The following SH3KBP1 variants were observed in gnomAD, a reference collection of about 807,000 sequenced individuals.
SH3KBP1 encodes SH3 domain-containing kinase-binding protein 1.
SH3KBP1 carries 8 observed loss-of-function variants against 50.1 expected under a neutral mutation model. That is an observed-to-expected ratio of 0.16 (90% CI 0.09 to 0.29). The LOEUF (loss-of-function observed/expected upper bound fraction) is 0.29. SH3KBP1 is among the 10% of genes least tolerant of loss of function. SH3KBP1 has a pLI of 1.00. For missense variants in SH3KBP1, 377 were observed against 535.2 expected, an observed-to-expected ratio of 0.70 and a Z score of 2.92; for synonymous variants, 227 against 218.6, an observed-to-expected ratio of 1.04 and a Z score of -0.34.
chrX:19,685,011 G>A (rs1232173973), intron 5 of SH3KBP1, among the ~76,000 whole-genome samples: 2 of 112,121 alleles, frequency 1.8e-5, no homozygotes, highest in African/African-American at 6.5e-5. Flanking sequence ...CCATCAAAGG[G>A]CAGGATTCAA....
At chrX:19,826,236 T>C (rs1279993987) in intron 2 of SH3KBP1, among the ~76,000 whole-genome samples, 1 of 112,096 alleles carries the variant, frequency 8.9e-6, no homozygotes, top group East Asian at 2.8e-4. Context: ...GCTAAAACTA[T>C]CATCCTCTAG....
At chrX:19,660,912 G>A (rs1011204077) in intron 6 of SH3KBP1, among the ~76,000 whole-genome samples, 1 of 112,548 alleles carries the variant, frequency 8.9e-6, no homozygotes, top group Admixed American at 9.4e-5. Flanking sequence ...GGGGCCAGAT[G>A]AGACCATCAA....
At position 19,552,369 on chromosome X, in the gene SH3KBP1, C is replaced by T. The variant is rs753047924; in HGVS notation, c.1385-2286G>A. Among the ~76,000 whole-genome samples the T allele has an allele frequency of 1.8e-4, 20 of 110,232 alleles. No homozygotes were observed. The South Asian group carries it at 2.0e-3, about 11-fold the overall frequency. On this transcript the variant is annotated intron_variant, in intron 13 of 17. Transcript: ENST00000397821. ...CAGGACAGGGAGGTTTGTTGGGGGC[C>T]GGGCGGGGTGCTGGTTGGGGAGGAC... is the stretch of plus-strand genomic sequence containing the variant.
intron 1 of SH3KBP1, among the ~76,000 whole-genome samples, chrX:19,855,223 A>T (rs939079530): frequency 9.0e-6 from 1 of 111,251 alleles, no homozygotes; most frequent in African/African-American, 3.3e-5. Context: ...ACCTCAGGTG[A>T]TCCACCCACC....
chrX:19,738,115 C>G (rs915400121), intron 3 of SH3KBP1, among the ~76,000 whole-genome samples: 1 of 111,579 alleles, frequency 9.0e-6, no homozygotes, highest in Non-Finnish European at 1.9e-5. Context: ...TAACTAGTAT[C>G]CAATAACATG....
intron 13 of SH3KBP1, among the ~76,000 whole-genome samples, chrX:19,567,269 G>A (rs1216521723): frequency 2.8e-5 from 3 of 107,644 alleles, no homozygotes; most frequent in African/African-American, 6.8e-5. Context: ...CTGTAATCCC[G>A]GAACTTTGGG....
intron 2 of SH3KBP1, among the ~76,000 whole-genome samples, chrX:19,778,519 G>A (rs1272383154): frequency 1.8e-5 from 2 of 110,158 alleles, no homozygotes; most frequent in Non-Finnish European, 3.8e-5. Context: ...TTGACCTAAG[G>A]AGCCTGGCAA....
intron 3 of SH3KBP1, among the ~76,000 whole-genome samples, chrX:19,728,142 C>G (rs1403131325): frequency 8.9e-6 from 1 of 111,791 alleles, no homozygotes; most frequent in Non-Finnish European, 1.9e-5. Context: ...TATCCCTCAT[C>G]AGAAAAGCTT....
chrX:19,727,537 T>C (rs2064252704), intron 3 of SH3KBP1, among the ~76,000 whole-genome samples: 1 of 112,840 alleles, frequency 8.9e-6, no homozygotes, highest in African/African-American at 3.2e-5. Flanking sequence ...TATCAATTCA[T>C]CCTCAATGAA....
chrX:19,868,318 C>T (rs899467848), intron 1 of SH3KBP1, among the ~76,000 whole-genome samples: 2 of 111,455 alleles, frequency 1.8e-5, no homozygotes, highest in African/African-American at 6.5e-5. Context: ...CGCAAAAGGA[C>T]TGTGGCAAAC....
At chrX:19,551,172 T>C (rs1312515850) in intron 13 of SH3KBP1, among the ~76,000 whole-genome samples, 1 of 111,984 alleles carries the variant, frequency 8.9e-6, no homozygotes, top group Non-Finnish European at 1.9e-5. Flanking sequence ...GGAGAAGCCA[T>C]TAAATTACAC....
chrX:19,638,728 C>T (rs1342838081), intron 7 of SH3KBP1, among the ~76,000 whole-genome samples: 1 of 111,527 alleles, frequency 9.0e-6, no homozygotes, highest in Admixed American at 9.5e-5. Context: ...GTGGGTGTGC[C>T]ATATGCTAGA....
chrX:19,860,280 T>TAAA (rs35933756), intron 1 of SH3KBP1, among the ~76,000 whole-genome samples: 40 of 41,286 alleles, frequency 9.7e-4, no homozygotes, highest in East Asian at 2.4e-3. Flanking sequence ...ATCCCACCTC[T>TAAA]AAAAAAAAAA....
intron 7 of SH3KBP1, among the ~76,000 whole-genome samples, chrX:19,639,789 G>A (rs776470824): frequency 2.7e-5 from 3 of 110,273 alleles, no homozygotes; most frequent in Non-Finnish European, 3.8e-5. Flanking sequence ...CCAGGCCCAA[G>A]AATGAGTGAG....
At chrX:19,750,288 G>A (rs1272758937) in intron 2 of SH3KBP1, among the ~76,000 whole-genome samples, 2 of 111,791 alleles carry the variant, frequency 1.8e-5, no homozygotes, top group African/African-American at 6.5e-5. Flanking sequence ...TCAAGCTCCT[G>A]ACCTCAAGTA....
rs1418622040 is a variant in SH3KBP1, at chrX:19,535,109, G to C, written c.*1308C>G. 1 of 294,905 alleles carries C rather than the reference G, an allele frequency of 3.4e-6. No individual in the cohort carries two copies. Among genetic ancestry groups the C allele is most frequent in the East Asian group, 4.8e-5 (1 of 20,969 alleles). The allele number at this position is 294,905 out of a possible 1,213,427, so 24.3% of individuals were successfully genotyped here. ...CCCTGAACAGTCTCGCAATACAGTA[G>C]GCCCCTCATTTTCAGCTAAGGATGA... On this transcript the variant is annotated 3_prime_UTR_variant, in exon 18 of 18. Transcript: ENST00000397821.
At chrX:19,839,723 A>T (rs1440942107) in intron 1 of SH3KBP1, among the ~76,000 whole-genome samples, 2 of 111,962 alleles carry the variant, frequency 1.8e-5, no homozygotes, top group Non-Finnish European at 3.8e-5. Context: ...GCTCTTCTAG[A>T]CCCAAGGCCT....
rs1569278018 is a variant in SH3KBP1 at position 19,554,032 on chromosome X, A to ATATATAATATATATTAAAATATAT, written c.1385-3973_1385-3950dup. 2.7e-4 allele frequency among the ~76,000 whole-genome samples: 17 copies of ATATATAATATATATTAAAATATAT among 64,070 alleles called. No homozygotes were observed. The East Asian group carries it at 6.1e-3, about 23-fold the overall frequency. 55.6% of individuals were successfully genotyped at this position (64,070 alleles called of 115,157 possible). A position where few individuals can be genotyped will look rare whatever the true frequency, so the allele number is the denominator to read the frequency against. ...AATATATAATATATATTAAAATATAATATATAATATATATTAAAATATATT... is the reference window on the plus strand; with the variant it reads ...AATATATAATATATATTAAAATATAATATATAATATATATTAAAATATATTATATAATATATATTAAAATATATT... On this transcript the variant is annotated intron_variant, in intron 13 of 17. Coordinates refer to ENST00000397821, the MANE Select transcript of SH3KBP1 (RefSeq NM_031892.3).
intron 3 of SH3KBP1, among the ~76,000 whole-genome samples, chrX:19,727,190 AT>A (rs1158210684): frequency 8.9e-6 from 1 of 112,441 alleles, no homozygotes; most frequent in African/African-American, 3.2e-5. Context: ...CATCTTAACC[AT>A]TTTAAGTGTA....
Sources: allele counts gnomAD v4.1 joint callset (sites outside exome capture counted in the v4.1 genomes callset), GRCh38; gene constraint gnomAD v4.1.1; transcripts MANE v1.5; gene names NCBI Gene and HGNC (gene_info 2026-07-23, HGNC 2026-07-21).